The following LRP1B variants were observed in gnomAD, a reference collection of about 807,000 sequenced individuals.
LRP1B encodes the protein LDL receptor related protein 1B.
Under a neutral mutation model 556.6 loss-of-function variants are expected in LRP1B, and 217 were observed. That is an observed-to-expected ratio of 0.39 (90% CI 0.35 to 0.44). The LOEUF (loss-of-function observed/expected upper bound fraction) is 0.44. Ranked by LOEUF, LRP1B falls within the 20% of genes least tolerant of loss-of-function variation. The pLI, the probability that LRP1B is intolerant of heterozygous loss-of-function variation, is 1.00. For synonymous variants in LRP1B, 2,047 were observed against 1,865.8 expected, an observed-to-expected ratio of 1.10 and a Z score of -2.50; for missense variants, 5,053 against 5,620.8, an observed-to-expected ratio of 0.90 and a Z score of 3.23.
chr2:142,048,309 C>T (rs1704328422), intron 1 of LRP1B, among the ~76,000 whole-genome samples: 1 of 151,998 alleles, frequency 6.6e-6, no homozygotes, highest in African/African-American at 2.4e-5. Context: ...AAAAGTAAAG[C>T]TTTTGGAGGT....
intron 86 of LRP1B, among the ~76,000 whole-genome samples, chr2:140,266,872 C>A (rs1451824803): frequency 6.6e-6 from 1 of 151,862 alleles, no homozygotes; most frequent in African/African-American, 2.4e-5. Flanking sequence ...TTCTAAAAGC[C>A]ATTCATCTTC....
chr2:140,501,884 A>T lies in LRP1B; in HGVS notation c.8663-10T>A, dbSNP rs1689212861. The stretch of plus-strand genomic sequence containing the variant: ...CTGTTGCATGACTGTTCTGGAAAAA[A>T]AATAAAACAAATGGAACATAAAGGG... On this transcript the variant is annotated splice_polypyrimidine_tract_variant and intron_variant, in intron 54 of 90. Transcript: ENST00000389484. The T allele has an allele frequency of 6.3e-7, 1 of 1,581,474 alleles. No homozygotes were observed. The highest frequency in any genetic ancestry group is 8.6e-7 in the Non-Finnish European group (1 of 1,163,184).
chr2:140,759,091 T>C (rs1405111301), intron 35 of LRP1B, among the ~76,000 whole-genome samples: 4 of 152,184 alleles, frequency 2.6e-5, no homozygotes, highest in Non-Finnish European at 4.4e-5. Context: ...CAATACCGTC[T>C]ACATTTTTTG....
chr2:140,410,553 A>G (rs1684930966), intron 66 of LRP1B, among the ~76,000 whole-genome samples: 1 of 152,148 alleles, frequency 6.6e-6, no homozygotes, highest in South Asian at 2.1e-4. Flanking sequence ...AGAAGTCCAA[A>G]AAAACACTAT....
chr2:140,768,111 G>A (rs1238010845), intron 35 of LRP1B, among the ~76,000 whole-genome samples: 1 of 151,904 alleles, frequency 6.6e-6, no homozygotes, highest in South Asian at 2.1e-4. Flanking sequence ...TTTCCTTTTG[G>A]TAAAGGTGAT....
chr2:141,421,091 C>T (rs1344462912), intron 3 of LRP1B, among the ~76,000 whole-genome samples: 3 of 152,242 alleles, frequency 2.0e-5, no homozygotes, highest in South Asian at 2.1e-4. Context: ...TTTAGCATTT[C>T]GTAATGGTAC....
chr2:140,356,519 C>A (rs777500116), intron 74 of LRP1B, 43 bp from the exon 75 acceptor site: 1 of 1,397,940 alleles, frequency 7.2e-7, no homozygotes. Flanking sequence ...AATTCTAATT[C>A]CTGAAGTGGG....
At chr2:141,248,566 G>T (rs1521108) in intron 4 of LRP1B, among the ~76,000 whole-genome samples, 103,165 of 151,918 alleles carry the variant, frequency 0.68, 35,852 homozygotes, top group East Asian at 0.77. Flanking sequence ...GCATCATGGG[G>T]ATTTCAAAGA....
intron 43 of LRP1B, among the ~76,000 whole-genome samples, chr2:140,546,513 G>A (rs1254971843): frequency 6.6e-6 from 1 of 152,076 alleles, no homozygotes; most frequent in Non-Finnish European, 1.5e-5. Flanking sequence ...TCTTAATATG[G>A]CAGCAGCGAG....
At chr2:140,769,487 G>T in intron 34 of LRP1B, 143 bp from the exon 35 acceptor site, 2 of 764,552 alleles carry the variant, frequency 2.6e-6, no homozygotes, top group Non-Finnish European at 3.9e-6. Flanking sequence ...AAATTATTGT[G>T]TACTACACTT....
chr2:141,994,836 AAAG>A (rs1702444537), intron 1 of LRP1B, among the ~76,000 whole-genome samples: 1 of 152,096 alleles, frequency 6.6e-6, no homozygotes, highest in African/African-American at 2.4e-5. Flanking sequence ...CCTAGTACTG[AAAG>A]AAGTAGCTCC....
chr2:140,666,284 A>T (rs1685268329), intron 41 of LRP1B, among the ~76,000 whole-genome samples: 1 of 135,368 alleles, frequency 7.4e-6, no homozygotes, highest in African/African-American at 2.8e-5. Context: ...AAATTTTTTA[A>T]TATGATCCAT....
rs1290989162 is a variant in LRP1B at position 140,495,740 on chromosome 2, G to T, written c.8859C>A (p.Cys2953Ter). The change falls in exon 56 of 91, where the codon TGC becomes TGA. Residue 2953 changes from cysteine (C) to a stop codon, truncating the protein, a stop_gained. Transcript: ENST00000389484. LOFTEE classifies it high-confidence loss of function. ...CATCCTTCAGTTGGAATCCAGGCCA[G>T]CATTTGCACTGGGAAAAGAAAAATG... ...QDLPVSYKCK[C>*]WPGFQLKDDG... The T allele has an allele frequency of 6.2e-7, 1 of 1,601,840 alleles. No individual in the cohort carries two copies. Among genetic ancestry groups the T allele is most frequent in the Non-Finnish European group, 8.5e-7 (1 of 1,169,946 alleles).
intron 1 of LRP1B, among the ~76,000 whole-genome samples, chr2:142,010,422 C>A (rs1702919733): frequency 6.6e-6 from 1 of 151,282 alleles, no homozygotes; most frequent in Non-Finnish European, 1.5e-5. Context: ...GGCGTGGTGG[C>A]GGGTGCCTGT....
At chr2:141,910,473 T>C (rs1699879887) in intron 1 of LRP1B, among the ~76,000 whole-genome samples, 2 of 147,712 alleles carry the variant, frequency 1.4e-5, no homozygotes, top group East Asian at 2.1e-4. Flanking sequence ...TATTTTGTAA[T>C]GTTCATGCTG....
chr2:141,123,122 T>C (rs1701106216), intron 7 of LRP1B, among the ~76,000 whole-genome samples: 1 of 151,778 alleles, frequency 6.6e-6, no homozygotes, highest in African/African-American at 2.4e-5. Flanking sequence ...GGGATAGCAT[T>C]AGGAGATATA....
At chr2:140,501,040 T>A (rs538338409) in intron 55 of LRP1B, among the ~76,000 whole-genome samples, 3 of 152,070 alleles carry the variant, frequency 2.0e-5, no homozygotes, top group African/African-American at 4.8e-5. Context: ...CATTTCAACA[T>A]TGTGTTAGTT....
At chr2:141,553,791 G>C (rs941276135) in intron 2 of LRP1B, among the ~76,000 whole-genome samples, 1 of 131,406 alleles carries the variant, frequency 7.6e-6, no homozygotes, top group Non-Finnish European at 1.6e-5. Flanking sequence ...TAAATATATA[G>C]AAATATATAT....
rs537445858 is a variant in LRP1B, at chr2:141,762,195, G to T, written c.205+48084C>A. Reference sequence around the variant, plus strand: ...AATGACATTTTCTCTGTGAGATGATGTATTTTAGCAGCCTTTCAATTCCAA... The same window carrying T: ...AATGACATTTTCTCTGTGAGATGATTTATTTTAGCAGCCTTTCAATTCCAA... On this transcript the variant is annotated intron_variant, in intron 2 of 90. Coordinates refer to ENST00000389484, the MANE Select transcript of LRP1B (RefSeq NM_018557.3). Among the ~76,000 whole-genome samples the T allele has an allele frequency of 8.6e-4, 130 of 152,046 alleles. 2 individuals are homozygous for T. The highest frequency in any genetic ancestry group is 6.8e-3 in the Middle Eastern group (2 of 294).
Sources: allele counts gnomAD v4.1 joint callset (sites outside exome capture counted in the v4.1 genomes callset), GRCh38; gene constraint gnomAD v4.1.1; transcripts MANE v1.5; gene names NCBI Gene and HGNC (gene_info 2026-07-23, HGNC 2026-07-21).